The following STIL variants were observed in gnomAD, a reference collection of about 807,000 sequenced individuals.
The protein encoded by STIL is STIL centriolar assembly protein, also known as SCL-interrupting locus protein.
Under a neutral mutation model 110.1 loss-of-function variants are expected in STIL, and 55 were observed. That is an observed-to-expected ratio of 0.50 (90% CI 0.40 to 0.63). STIL has a LOEUF of 0.63. STIL is among the 20% of genes least tolerant of loss of function. The pLI, the probability that STIL is intolerant of heterozygous loss-of-function variation, is 0.00. For synonymous variants in STIL, 481 were observed against 530.0 expected (o/e 0.91, Z 1.27); for missense variants, 1,358 against 1,530.0 (o/e 0.89, Z 1.87).
intron 12 of STIL, among the ~76,000 whole-genome samples, chr1:47,276,030 T>G (rs1644981836): frequency 6.7e-6 from 1 of 149,846 alleles, no homozygotes; most frequent in Non-Finnish European, 1.5e-5. Context: ...TGAGACAGAG[T>G]CTAGCTCTGT....
chr1:47,261,933 G>A (rs1644499312), intron 15 of STIL, among the ~76,000 whole-genome samples: 2 of 151,760 alleles, frequency 1.3e-5, no homozygotes, highest in Non-Finnish European at 2.9e-5. Context: ...AATCTTTTGA[G>A]TAATTCTCCA....
chr1:47,288,354 C>A (rs1332437642), intron 9 of STIL, among the ~76,000 whole-genome samples: 1 of 151,506 alleles, frequency 6.6e-6, no homozygotes, highest in Non-Finnish European at 1.5e-5. Flanking sequence ...TAGAGTGCAG[C>A]GGCACGATCT....
Position 47,314,120 on chromosome 1 carries a change from C to A in STIL, c.-128G>T. 6.6e-6 allele frequency: 1 copy of A among 152,304 alleles called. No homozygotes were observed. Among genetic ancestry groups the A allele is most frequent in the Non-Finnish European group, 1.5e-5 (1 of 68,080 alleles). The allele number at this position is 152,304 out of a possible 1,614,324, so 9.4% of individuals were successfully genotyped here. Reference sequence around the variant, plus strand: ...AGCGCCACCGCCGACTCCGGCCCCGCCTCTGGGACGTTGGGGTCGCGGGAA... The same window carrying A: ...AGCGCCACCGCCGACTCCGGCCCCGACTCTGGGACGTTGGGGTCGCGGGAA... On this transcript the variant is annotated 5_prime_UTR_variant, in exon 1 of 17. Coordinates refer to ENST00000371877, the MANE Select transcript of STIL (RefSeq NM_001048166.1).
At position 47,260,541 on chromosome 1, in the gene STIL, T is replaced by C. The variant is rs1064796510; in HGVS notation, c.2830-2A>G. ...ATTTAATAGGTGGTTTACTTGACCC[T>C]GACAAAAAGAAAAAAAATTTTTTTG... On this transcript the variant is annotated splice_acceptor_variant, in intron 15 of 16. Transcript: ENST00000371877. LOFTEE classifies it high-confidence loss of function. 6.2e-7 allele frequency: 1 copy of C among 1,614,072 alleles called. No individual in the cohort carries two copies. The highest frequency in any genetic ancestry group is 8.5e-7 in the Non-Finnish European group (1 of 1,179,992).
At chr1:47,305,198 T>A (rs1186373367) in intron 2 of STIL, 3 of 487,560 alleles carry the variant, frequency 6.2e-6, no homozygotes, top group African/African-American at 5.9e-5. Flanking sequence ...TGATCTCAGC[T>A]CACTGCAACC....
chr1:47,311,212 C>G (rs1646113161), intron 1 of STIL, among the ~76,000 whole-genome samples: 1 of 151,758 alleles, frequency 6.6e-6, no homozygotes, highest in African/African-American at 2.4e-5. Context: ...GCTTCTACAC[C>G]TACTTATCTA....
At chr1:47,286,104 A>G (rs974899022) in intron 10 of STIL, among the ~76,000 whole-genome samples, 1 of 150,394 alleles carries the variant, frequency 6.6e-6, no homozygotes, top group Non-Finnish European at 1.5e-5. Flanking sequence ...CAAACTCCTG[A>G]CCTCAACTGA....
chr1:47,287,476 G>A, intron 10 of STIL, 75 bp downstream of exon 10: 1 of 924,660 alleles, frequency 1.1e-6, no homozygotes, highest in Admixed American at 2.6e-5. Context: ...AAATAATTTA[G>A]TTATTTTACT....
chr1:47,310,317 CATG>C lies in STIL; in HGVS notation c.-1_2del, dbSNP rs775225109. On this transcript the variant is annotated start_lost and start_retained_variant and 5_prime_UTR_variant, in exon 2 of 17. Coordinates refer to ENST00000371877, the MANE Select transcript of STIL (RefSeq NM_001048166.1). Reference sequence around the variant, plus strand: ...GCCGTGCAAAAGGATATATAGGCTCCATGATGTCTGGTGAATGATTTCTTTAAT... The same window carrying C: ...GCCGTGCAAAAGGATATATAGGCTCCATGTCTGGTGAATGATTTCTTTAAT... 1.4e-5 allele frequency: 23 copies of C among 1,612,674 alleles called. No individual in the cohort carries two copies. The highest frequency in any genetic ancestry group is 1.9e-5 in the Non-Finnish European group (22 of 1,179,384).
Position 47,253,304 on chromosome 1 carries a change from G to A in STIL, c.3081-1382C>T, listed in dbSNP as rs1295916680. On this transcript the variant is annotated intron_variant, in intron 16 of 16. Coordinates refer to ENST00000371877, the MANE Select transcript of STIL (RefSeq NM_001048166.1). ...TTTTGTTTTCTTTTTAGCACTTACC[G>A]CGGTCTATACATTGAATACACACAT... Among the ~76,000 whole-genome samples, 3 of 151,510 alleles carry A rather than the reference G, an allele frequency of 2.0e-5. No homozygotes were observed. The South Asian group carries it at 6.3e-4, about 32-fold the overall frequency.
At chr1:47,255,763 C>G (rs965748203) in intron 16 of STIL, among the ~76,000 whole-genome samples, 1 of 152,122 alleles carries the variant, frequency 6.6e-6, no homozygotes, top group African/African-American at 2.4e-5. Context: ...GACCTCGAAC[C>G]CACAATCTCC....
At chr1:47,259,839 A>G (rs906504031) in intron 16 of STIL, among the ~76,000 whole-genome samples, 4 of 152,200 alleles carry the variant, frequency 2.6e-5, no homozygotes, top group Admixed American at 6.5e-5. Flanking sequence ...GAAGGACATG[A>G]CCAGTTGGGC....
At chr1:47,263,990 T>C (rs1314157397) in intron 14 of STIL, among the ~76,000 whole-genome samples, 1 of 152,084 alleles carries the variant, frequency 6.6e-6, no homozygotes, top group African/African-American at 2.4e-5. Context: ...TGACCTCAGG[T>C]GATCTGCCTG....
At chr1:47,257,126 T>C (rs1421080102) in intron 16 of STIL, among the ~76,000 whole-genome samples, 1 of 152,156 alleles carries the variant, frequency 6.6e-6, no homozygotes, top group Non-Finnish European at 1.5e-5. Flanking sequence ...CAAGGAATCT[T>C]GCAAATGCCA....
chr1:47,298,448 C>T (rs1009155244), intron 6 of STIL, among the ~76,000 whole-genome samples: 1 of 152,112 alleles, frequency 6.6e-6, no homozygotes, highest in African/African-American at 2.4e-5. Context: ...GATTCTACTC[C>T]AGCTCTGTGA....
chr1:47,266,731 GTCT>G (rs1242465418), intron 14 of STIL, among the ~76,000 whole-genome samples: 1 of 151,996 alleles, frequency 6.6e-6, no homozygotes, highest in Non-Finnish European at 1.5e-5. Context: ...ATCTCACTTG[GTCT>G]TTAGTTTATT....
rs11211488 is a variant in STIL, at chr1:47,250,820, A to G, written c.*316T>C. On this transcript the variant is annotated 3_prime_UTR_variant, in exon 17 of 17. Coordinates refer to ENST00000371877, the MANE Select transcript of STIL (RefSeq NM_001048166.1). The stretch of plus-strand genomic sequence containing the variant: ...GCTACAAGAGCAAAACTCCGTCTCA[A>G]AAAAAAAAGTACAGTATAAAAGAGC... 15,513 of 242,694 alleles carry G rather than the reference A, an allele frequency of 0.064. 2,345 individuals carry two copies. The highest frequency in any genetic ancestry group is 0.32 in the African/African-American group (14,317 of 44,558). 15.0% of individuals were successfully genotyped at this position (242,694 alleles called of 1,614,324 possible).
rs1272271023 is a variant in STIL, at chr1:47,270,236, A to AT, written c.2384-371_2384-370insA. On this transcript the variant is annotated intron_variant, in intron 13 of 16. Transcript: ENST00000371877. ...CTGGGCAACTCTGGCTCAAAAAAAA[A>AT]AAAAAATATATATATATATACACAC... 1.8e-3 allele frequency among the ~76,000 whole-genome samples: 188 copies of AT among 103,354 alleles called. 2 individuals carry two copies. Among genetic ancestry groups the AT allele is most frequent in the African/African-American group, 7.3e-3 (183 of 25,152 alleles). 67.8% of individuals were successfully genotyped at this position (103,354 alleles called of 152,430 possible). A position where few individuals can be genotyped will look rare whatever the true frequency, so the allele number is the denominator to read the frequency against.
Position 47,282,338 on chromosome 1 carries a change from G to C in STIL, c.1248+7C>G. ...CAAAAGTGAATGCATTTTAAAATCAGTGATACCTTCTGACTCACTGGATGA... is the reference window on the plus strand; with the variant it reads ...CAAAAGTGAATGCATTTTAAAATCACTGATACCTTCTGACTCACTGGATGA... On this transcript the variant is annotated splice_region_variant and intron_variant, in intron 11 of 16. Transcript: ENST00000371877. The C allele has an allele frequency of 6.3e-7, 1 of 1,583,982 alleles. No homozygotes were observed. The highest frequency in any genetic ancestry group is 8.7e-7 in the Non-Finnish European group (1 of 1,154,720).
Sources: allele counts gnomAD v4.1 joint callset (sites outside exome capture counted in the v4.1 genomes callset), GRCh38; gene constraint gnomAD v4.1.1; transcripts MANE v1.5; gene names NCBI Gene and HGNC (gene_info 2026-07-23, HGNC 2026-07-21).